ULK2: variants seen among roughly 807,000 people sequenced by gnomAD.
The protein encoded by ULK2 is serine/threonine-protein kinase ULK2.
ULK2 carries 76 observed loss-of-function variants against 127.5 expected under a neutral mutation model. That is an observed-to-expected ratio of 0.60 (90% CI 0.50 to 0.72). The LOEUF (loss-of-function observed/expected upper bound fraction) is 0.72, where lower values mean the gene tolerates loss of function less well. ULK2 is among the 30% of genes least tolerant of loss of function. The pLI is 0.00. For missense variants in ULK2, 1,144 were observed against 1,295.9 expected (o/e 0.88, Z 1.80); for synonymous variants, 452 against 461.9 (o/e 0.98, Z 0.28).
chr17:19,845,421 C>T lies in ULK2; in HGVS notation c.470-44G>A, dbSNP rs540575677. On this transcript the variant is annotated intron_variant, in intron 6 of 26. Coordinates refer to ENST00000395544, the MANE Select transcript of ULK2 (RefSeq NM_014683.4). ...AGTAGAAAAGCAAATTACGTCTTCG[C>T]TCATACCTAACATATATCATATGAT... is the stretch of plus-strand genomic sequence containing the variant. The T allele has an allele frequency of 1.0e-4, 142 of 1,405,206 alleles. 1 individual carries two copies. The South Asian group carries it at 1.3e-3, about 13-fold the overall frequency. The allele number at this position is 1,405,206 out of a possible 1,614,324, so 87.0% of individuals were successfully genotyped here.
intron 8 of ULK2, among the ~76,000 whole-genome samples, chr17:19,841,793 T>C (rs1346504540): frequency 6.6e-6 from 1 of 152,146 alleles, no homozygotes; most frequent in Non-Finnish European, 1.5e-5. Flanking sequence ...GACCCATAAC[T>C]GGTCATTAGG....
chr17:19,839,834 G>A (rs1214774085), intron 9 of ULK2, among the ~76,000 whole-genome samples: 1 of 152,082 alleles, frequency 6.6e-6, no homozygotes, highest in Non-Finnish European at 1.5e-5. Context: ...TGAGGGAAAA[G>A]GAGCAGTCTT....
At chr17:19,841,570 A>G (rs749108979) in intron 8 of ULK2, 23 bp from the exon 9 acceptor site, 3 of 1,550,056 alleles carry the variant, frequency 1.9e-6, no homozygotes, top group Non-Finnish European at 2.6e-6. Flanking sequence ...AAAAGGTTTA[A>G]TTTCCTAAAC....
intron 5 of ULK2, 36 bp from the exon 6 acceptor site, chr17:19,846,946 A>G: frequency 6.4e-7 from 1 of 1,565,504 alleles, no homozygotes; most frequent in Non-Finnish European, 8.7e-7. Context: ...ATTTAAGCAC[A>G]CAAAATCAAA....
At chr17:19,819,854 T>C (rs911717901) in intron 12 of ULK2, among the ~76,000 whole-genome samples, 1 of 152,076 alleles carries the variant, frequency 6.6e-6, no homozygotes, top group Non-Finnish European at 1.5e-5. Context: ...AAAACAGTAA[T>C]GACGACAACA....
At chr17:19,800,465 T>C (rs2087374448) in intron 16 of ULK2, among the ~76,000 whole-genome samples, 2 of 152,290 alleles carry the variant, frequency 1.3e-5, no homozygotes, top group South Asian at 2.1e-4. Context: ...ATTTGGACCT[T>C]ATCTTTGGAG....
intron 10 of ULK2, among the ~76,000 whole-genome samples, chr17:19,827,638 G>A (rs1192513292): frequency 2.6e-5 from 4 of 152,208 alleles, no homozygotes; most frequent in Non-Finnish European, 5.9e-5. Context: ...TGGACCGGGC[G>A]TGGTGGCTCA....
At chr17:19,792,991 T>C (rs2087189384) in intron 20 of ULK2, among the ~76,000 whole-genome samples, 1 of 152,200 alleles carries the variant, frequency 6.6e-6, no homozygotes, top group Non-Finnish European at 1.5e-5. Context: ...ATAGTTGTAT[T>C]AGTTCATTTT....
intron 13 of ULK2, chr17:19,816,494 TGGATACAAACA>T (rs2152390318): frequency 3.9e-6 from 1 of 257,624 alleles, no homozygotes; most frequent in African/African-American, 2.2e-5. Flanking sequence ...TCTTTCTGTT[TGGATACAAACA>T]GAATTTGAGA....
rs1345921493 is a variant in ULK2, at chr17:19,810,355, TAA to T, written c.1157+21_1157+22del. Reference sequence around the variant, plus strand: ...AAATAAAATATAAAACAAATTTTAATAAGATAATGTAAATATACATACCCTCC... The same window carrying T: ...AAATAAAATATAAAACAAATTTTAATGATAATGTAAATATACATACCCTCC... On this transcript the variant is annotated intron_variant, in intron 14 of 26. Coordinates refer to ENST00000395544, the MANE Select transcript of ULK2 (RefSeq NM_014683.4). 9 of 1,502,494 alleles carry T rather than the reference TAA, an allele frequency of 6.0e-6. No individual in the cohort carries two copies. The African/African-American group carries it at 8.4e-5, about 14-fold the overall frequency. The allele number at this position is 1,502,494 out of a possible 1,614,324, so 93.1% of individuals were successfully genotyped here. A position where few individuals can be genotyped will look rare whatever the true frequency, so the allele number is the denominator to read the frequency against.
At chr17:19,817,697 T>C (rs1023012376) in intron 12 of ULK2, among the ~76,000 whole-genome samples, 3 of 152,236 alleles carry the variant, frequency 2.0e-5, no homozygotes, top group African/African-American at 7.2e-5. Context: ...ATGAACTTCA[T>C]AGCTTATTGT....
intron 22 of ULK2, 21 bp downstream of exon 22, chr17:19,783,676 C>A: frequency 2.1e-6 from 3 of 1,457,680 alleles, no homozygotes. Flanking sequence ...TACATTCACA[C>A]CACTATAGTC....
intron 12 of ULK2, among the ~76,000 whole-genome samples, chr17:19,819,656 TA>T (rs2041087465): frequency 6.6e-6 from 1 of 152,176 alleles, no homozygotes; most frequent in Non-Finnish European, 1.5e-5. Context: ...TCATCACCTT[TA>T]TATTCCAAAG....
chr17:19,864,557 A>C (rs1322488846), intron 3 of ULK2, among the ~76,000 whole-genome samples: 1 of 152,100 alleles, frequency 6.6e-6, no homozygotes, highest in East Asian at 1.9e-4. Context: ...CCTCTACTTC[A>C]CCTAAAACAA....
intron 21 of ULK2, among the ~76,000 whole-genome samples, chr17:19,785,432 C>G (rs181072606): frequency 6.6e-6 from 1 of 151,798 alleles, no homozygotes; most frequent in Non-Finnish European, 1.5e-5. Context: ...ACGCTGGTCT[C>G]GAGTTCCTGG....
intron 17 of ULK2, among the ~76,000 whole-genome samples, chr17:19,799,086 A>T (rs978918913): frequency 1.3e-5 from 2 of 151,496 alleles, no homozygotes; most frequent in African/African-American, 4.9e-5. Context: ...GCTTGAGCCC[A>T]GGAGGTGGAG....
chr17:19,798,174 C>T (rs1011864706), intron 17 of ULK2, among the ~76,000 whole-genome samples: 7 of 152,016 alleles, frequency 4.6e-5, no homozygotes, highest in African/African-American at 1.7e-4. Flanking sequence ...ATATATATAA[C>T]GTGTAGGAAA....
Position 19,795,736 on chromosome 17 carries a change from T to C in ULK2, c.1998-11A>G, listed in dbSNP as rs374786408. On this transcript the variant is annotated splice_polypyrimidine_tract_variant and intron_variant, in intron 19 of 26. Transcript: ENST00000395544. The stretch of plus-strand genomic sequence containing the variant: ...CCGGTACTGACAGATCTAAAAAGAA[T>C]AGTGATGTTTTTAATAAAGGAAAAG... The C allele has an allele frequency of 1.7e-4, 278 of 1,607,308 alleles. No homozygotes were observed. Among genetic ancestry groups the C allele is most frequent in the Non-Finnish European group, 2.2e-4 (264 of 1,173,982 alleles).
Position 19,797,575 on chromosome 17 carries a change from T to G in ULK2, c.1630A>C (p.Lys544Gln). The G allele has an allele frequency of 6.2e-7, 1 of 1,613,822 alleles. No homozygotes were observed. The highest frequency in any genetic ancestry group is 1.1e-5 in the South Asian group (1 of 91,040). Residue 544 changes from lysine (K) to glutamine (Q), a missense_variant, in exon 18 of 27, where the codon AAA becomes CAA. Coordinates refer to ENST00000395544, the MANE Select transcript of ULK2 (RefSeq NM_014683.4). The part of the protein sequence containing the change: ...DIYQNKQKLR[K>Q]QHSDPVCPSH... ...GGGCACACGGGGTCAGAGTGCTGTT[T>G]TCTGAGCTTCTGCTTGTTCTGATAG...
Sources: gnomAD v4.1 joint callset for allele counts (sites outside exome capture counted in the v4.1 genomes callset) on GRCh38, gnomAD v4.1.1 for gene constraint, MANE v1.5 for transcripts, NCBI Gene and HGNC (gene_info 2026-07-23, HGNC 2026-07-21) for gene names.